PCDHAC1: variants seen among roughly 807,000 people sequenced by gnomAD.
The protein encoded by PCDHAC1 is protocadherin alpha subfamily C, 1.
In PCDHAC1, 42 loss-of-function variants were observed where a neutral mutation model predicts 60.0. That is an observed-to-expected ratio of 0.70 (90% CI 0.55 to 0.90). PCDHAC1 has a LOEUF of 0.90. Among genes scored for constraint, PCDHAC1 ranks in the 40% least tolerant of loss-of-function variants. PCDHAC1 has a pLI of 0.00. For synonymous variants in PCDHAC1, 468 were observed against 499.3 expected, an observed-to-expected ratio of 0.94 and a Z score of 0.84; for missense variants, 1,160 against 1,222.3, an observed-to-expected ratio of 0.95 and a Z score of 0.76.
At chr5:140,997,986 A>C (rs1554256110) in intron 3 of PCDHAC1, among the ~76,000 whole-genome samples, 2 of 152,186 alleles carry the variant, frequency 1.3e-5, no homozygotes, top group African/African-American at 4.8e-5. Flanking sequence ...CACTTGTTAC[A>C]TACTTCCCTC....
chr5:140,929,484 T>C, intron 1 of PCDHAC1, 159 bp downstream of exon 1: 1 of 1,156,262 alleles, frequency 8.6e-7, no homozygotes, highest in Non-Finnish European at 1.2e-6. Context: ...AGTATAGAAG[T>C]ATTAGAAGAT....
chr5:140,995,901 A>C (rs2097702550), intron 3 of PCDHAC1, among the ~76,000 whole-genome samples: 3 of 152,212 alleles, frequency 2.0e-5, no homozygotes, highest in Non-Finnish European at 1.5e-5. Flanking sequence ...CAATGTATAA[A>C]AGAGGAGAGA....
At chr5:140,967,618 G>T in intron 1 of PCDHAC1, 3 of 1,614,174 alleles carry the variant, frequency 1.9e-6, no homozygotes, top group Non-Finnish European at 2.5e-6. Context: ...CCTCAGACCC[G>T]GATGAGGGCT....
chr5:140,941,191 T>TTTTTCTTTCTTTC lies in PCDHAC1; in HGVS notation c.2433+11869_2433+11870insTCTTTCTTTCTTT, dbSNP rs1554213809. On this transcript the variant is annotated intron_variant, in intron 1 of 3. Transcript: ENST00000253807. ...CATCTTGAACATCCTGCTTCTTTTT[T>TTTTTCTTTCTTTC]TTTCTTTCTTCCTTTCTTTCTTCCT... Among the ~76,000 whole-genome samples the TTTTTCTTTCTTTC allele has an allele frequency of 1.3e-4, 12 of 93,256 alleles. No individual in the cohort carries two copies. In the East Asian group the frequency reaches 2.9e-3, roughly 23 times the overall value. 61.2% of individuals were successfully genotyped at this position (93,256 alleles called of 152,430 possible). A position where few individuals can be genotyped will look rare whatever the true frequency, so the allele number is the denominator to read the frequency against.
intron 3 of PCDHAC1, among the ~76,000 whole-genome samples, chr5:140,986,569 T>C (rs1006962446): frequency 7.2e-5 from 11 of 152,296 alleles, no homozygotes; most frequent in East Asian, 3.9e-4. Context: ...TTATCTGTTA[T>C]TGGTTTTTCC....
At chr5:140,967,051 G>C in intron 1 of PCDHAC1, 2 of 1,612,562 alleles carry the variant, frequency 1.2e-6, no homozygotes, top group Non-Finnish European at 1.7e-6. Context: ...TGGACCTGAC[G>C]AGTGGAGCGC....
intron 3 of PCDHAC1, among the ~76,000 whole-genome samples, chr5:141,006,959 A>G (rs2098296620): frequency 6.6e-6 from 1 of 152,142 alleles, no homozygotes; most frequent in East Asian, 1.9e-4. Context: ...GTTATACATG[A>G]GATTGGAGCA....
chr5:140,967,935 A>G (rs186453952), intron 1 of PCDHAC1: 13 of 1,614,214 alleles, frequency 8.1e-6, no homozygotes, highest in South Asian at 4.4e-5. Flanking sequence ...CTCAGTGTCA[A>G]TGACCAAGAC....
intron 3 of PCDHAC1, among the ~76,000 whole-genome samples, chr5:141,007,324 A>G (rs35241677): frequency 0.053 from 8,037 of 150,420 alleles, 253 homozygotes; most frequent in South Asian, 0.11. Context: ...GCTAAAGTGG[A>G]CAGATTGCCT....
chr5:141,007,844 C>T (rs782712601), intron 3 of PCDHAC1, among the ~76,000 whole-genome samples: 3 of 152,176 alleles, frequency 2.0e-5, no homozygotes, highest in Non-Finnish European at 4.4e-5. Context: ...ATTAGAGACT[C>T]AAAGTCCTTA....
chr5:140,966,900 G>T, intron 1 of PCDHAC1: 1 of 1,598,802 alleles, frequency 6.3e-7, no homozygotes, highest in Non-Finnish European at 8.5e-7. Context: ...TCCCAGCTGC[G>T]ATACTCTGTG....
At chr5:140,955,401 A>T (rs1202478496) in intron 1 of PCDHAC1, among the ~76,000 whole-genome samples, 2 of 152,122 alleles carry the variant, frequency 1.3e-5, no homozygotes, top group African/African-American at 4.8e-5. Flanking sequence ...TATCCCATAC[A>T]GTTCTCATGA....
chr5:141,009,760 A>T lies in PCDHAC1; in HGVS notation c.2715A>T (p.Gly905=), dbSNP rs782167920. The change falls in exon 4 of 4, where the codon GGA becomes GGT. Residue 905 remains glycine, a synonymous_variant. Transcript: ENST00000253807. ...TGCCCGACAAATTCATTATCCCAGG[A>T]TCTCCTGCAATCATCTCCATCCGGC... ...GELPDKFIIP[G]SPAIISIRQE... is the part of the protein sequence containing the mutation. 1.9e-6 allele frequency: 3 copies of T among 1,614,130 alleles called. No individual in the cohort carries two copies. Among genetic ancestry groups the T allele is most frequent in the Admixed American group, 3.3e-5 (2 of 60,020 alleles).
chr5:140,967,006 C>G, intron 1 of PCDHAC1: 1 of 1,605,750 alleles, frequency 6.2e-7, no homozygotes, highest in Non-Finnish European at 8.5e-7. Flanking sequence ...TGCGCATCAA[C>G]CATCTGGGTG....
chr5:141,008,641 T>G (rs569373015), intron 3 of PCDHAC1, among the ~76,000 whole-genome samples: 1 of 152,344 alleles, frequency 6.6e-6, no homozygotes, highest in Admixed American at 6.5e-5. Context: ...TAACAATTTC[T>G]TCTTCTGGAG....
chr5:140,945,076 C>G (rs2093735426), intron 1 of PCDHAC1, among the ~76,000 whole-genome samples: 1 of 152,104 alleles, frequency 6.6e-6, no homozygotes, highest in South Asian at 2.1e-4. Flanking sequence ...TCCACCAAAA[C>G]ACTCTTGGAA....
chr5:140,967,127 T>C (rs155808), intron 1 of PCDHAC1: 558,768 of 1,612,332 alleles, frequency 0.35, 98,550 homozygotes, highest in East Asian at 0.51. Flanking sequence ...CCTGCTCAGC[T>C]TGGAAGTGCT....
In PCDHAC1 at chr5:141,010,432, C is replaced by T; in HGVS notation, c.*495C>T. On this transcript the variant is annotated 3_prime_UTR_variant, in exon 4 of 4. Coordinates refer to ENST00000253807, the MANE Select transcript of PCDHAC1 (RefSeq NM_018898.5). The stretch of plus-strand genomic sequence containing the variant: ...AATTGGTACAAGGAAGGCAAGAAAA[C>T]AAAGACAAATAAACAGCGGAAGTTA... 1 of 1,056,970 alleles carries T rather than the reference C, an allele frequency of 9.5e-7. No individual in the cohort carries two copies. The highest frequency in any genetic ancestry group is 1.3e-6 in the Non-Finnish European group (1 of 756,282). 65.5% of individuals were successfully genotyped at this position (1,056,970 alleles called of 1,614,324 possible).
Position 140,928,539 on chromosome 5 carries a change from T to G in PCDHAC1, c.1647T>G (p.Asn549Lys). The change falls in exon 1 of 4, where the codon AAT becomes AAG. Residue 549 changes from asparagine to lysine, a missense_variant. By Grantham distance (94) the Asn-to-Lys change is moderately conservative. This residue lies in a region of PCDHAC1 where 1,113 missense variants were observed against 1,163.7 expected (regional missense o/e 0.96). Transcript: ENST00000253807. The stretch of plus-strand genomic sequence containing the variant: ...TAAACTTGTTTGTGGTAGATAGGAA[T>G]GACAATTATCCGGTTATCTTGTTTC... ...VTINLFVVDR[N>K]DNYPVILFPL... is the part of the protein sequence containing the mutation. 6.2e-7 allele frequency: 1 copy of G among 1,614,222 alleles called. No individual in the cohort carries two copies.
Sources: allele counts gnomAD v4.1 joint callset (sites outside exome capture counted in the v4.1 genomes callset), GRCh38; gene constraint gnomAD v4.1.1; regional missense constraint gnomAD v4.1.1; transcripts MANE v1.5; gene names NCBI Gene and HGNC (gene_info 2026-07-23, HGNC 2026-07-21).